UCMA: variants seen among roughly 807,000 people sequenced by gnomAD.
UCMA encodes upper zone of growth plate and cartilage matrix-associated protein.
UCMA carries 21 observed loss-of-function variants against 21.8 expected under a neutral mutation model. That is an observed-to-expected ratio of 0.97 (90% CI 0.68 to 1.39). The LOEUF is 1.39. Ranked by LOEUF, UCMA falls within the 40% of genes most tolerant of loss-of-function variation. UCMA has a pLI of 0.00. For synonymous variants in UCMA, 76 were observed against 67.9 expected (o/e 1.12, Z -0.58); for missense variants, 193 against 178.9 (o/e 1.08, Z -0.45).
rs201354285 is a variant in UCMA, at chr10:13,233,625, G to A, written c.133C>T (p.Gln45Ter). The change falls in exon 3 of 5, where the codon CAG (glutamine) becomes TAG (stop). Residue 45 changes from glutamine (Q) to a stop codon, truncating the protein, a stop_gained. Transcript: ENST00000378681. LOFTEE classifies it high-confidence loss of function. The part of the protein sequence containing the change: ...AGEEASEDAK[Q>*]KIFMQESDAS... Reference sequence around the variant, plus strand: ...TCTGATTCCTGCATGAAAATCTTCTGTTTTGCATCTGAAACCCGGGAGAGG... The same window carrying A: ...TCTGATTCCTGCATGAAAATCTTCTATTTTGCATCTGAAACCCGGGAGAGG... 204 of 1,614,040 alleles carry A rather than the reference G, an allele frequency of 1.3e-4. No homozygotes were observed. The highest frequency in any genetic ancestry group is 1.6e-4 in the Non-Finnish European group (184 of 1,180,042).
chr10:13,229,909 T>G (rs963070982), intron 3 of UCMA, among the ~76,000 whole-genome samples, 200 bp from the exon 4 acceptor site: 1 of 152,164 alleles, frequency 6.6e-6, no homozygotes, highest in African/African-American at 2.4e-5. Flanking sequence ...CTGATCCAGC[T>G]GCCTCATTTG....
At chr10:13,227,746 ACACACAC>A (rs1834842460) in intron 4 of UCMA, among the ~76,000 whole-genome samples, 2 of 84,892 alleles carry the variant, frequency 2.4e-5, no homozygotes, top group Admixed American at 1.2e-4. Context: ...AAGGAAATAC[ACACACAC>A]ACACACACAC....
chr10:13,227,517 T>C (rs1473816010), intron 4 of UCMA, among the ~76,000 whole-genome samples: 2 of 151,960 alleles, frequency 1.3e-5, no homozygotes, highest in Admixed American at 6.6e-5. Context: ...CAGGAGTTCG[T>C]GACCAGCCTG....
At chr10:13,222,238 G>A in intron 4 of UCMA, 38 bp from the exon 5 acceptor site, 1 of 1,580,934 alleles carries the variant, frequency 6.3e-7, no homozygotes, top group South Asian at 1.1e-5. Context: ...TAGGACAGGG[G>A]GACTCTGACC....
intron 4 of UCMA, among the ~76,000 whole-genome samples, chr10:13,226,566 G>C (rs1031072532): frequency 6.6e-6 from 1 of 152,084 alleles, no homozygotes; most frequent in African/African-American, 2.4e-5. Flanking sequence ...TTCAAGCAAT[G>C]CTCCCACTTT....
In UCMA at chr10:13,224,712, T is replaced by C. The variant is rs368780388; in HGVS notation, c.320-2512A>G. On this transcript the variant is annotated intron_variant, in intron 4 of 4. Transcript: ENST00000378681. ...GGCTTCAGGGTGTGAGGAATGGAGA[T>C]GTTGCTTTGGTCCTTAGCACCTGTG... Among the ~76,000 whole-genome samples the C allele has an allele frequency of 2.2e-4, 33 of 152,308 alleles. No individual in the cohort carries two copies. In the East Asian group the frequency reaches 5.6e-3, roughly 26 times the overall value.
chr10:13,225,960 G>A (rs1396339761), intron 4 of UCMA, among the ~76,000 whole-genome samples: 5 of 152,096 alleles, frequency 3.3e-5, no homozygotes, highest in Admixed American at 2.6e-4. Flanking sequence ...GGAGCTCTGG[G>A]GAGACCCCCT....
intron 4 of UCMA, among the ~76,000 whole-genome samples, chr10:13,227,305 ACT>A (rs1487241105): frequency 6.6e-6 from 1 of 152,080 alleles, no homozygotes; most frequent in Non-Finnish European, 1.5e-5. Flanking sequence ...GAAAGAGCTG[ACT>A]CTCTCCCACA....
chr10:13,232,371 CAAAAAAAAAAAAA>C (rs34527224), intron 3 of UCMA, among the ~76,000 whole-genome samples: 2 of 69,588 alleles, frequency 2.9e-5, no homozygotes, highest in South Asian at 5.5e-4. Flanking sequence ...GACTCCATCT[CAAAAAAAAAAAAA>C]AAAAAAAAAA....
At chr10:13,223,000 A>T (rs10752290) in intron 4 of UCMA, among the ~76,000 whole-genome samples, 5 of 151,354 alleles carry the variant, frequency 3.3e-5, no homozygotes, top group Admixed American at 1.3e-4. Context: ...TGAGGCTGGC[A>T]GATCACCCAA....
intron 4 of UCMA, among the ~76,000 whole-genome samples, chr10:13,225,366 T>C (rs537615986): frequency 1.4e-5 from 2 of 141,030 alleles, no homozygotes; most frequent in East Asian, 4.3e-4. Context: ...CCAACTGCTA[T>C]CAGTAACCCT....
In UCMA at chr10:13,234,346, C is replaced by T; in HGVS notation, c.-88G>A. 1.4e-6 allele frequency: 2 copies of T among 1,414,488 alleles called. No homozygotes were observed. The highest frequency in any genetic ancestry group is 2.1e-5 in the Admixed American group (1 of 48,360). The allele number at this position is 1,414,488 out of a possible 1,614,324, so 87.6% of individuals were successfully genotyped here. A position where few individuals can be genotyped will look rare whatever the true frequency, so the allele number is the denominator to read the frequency against. ...GGGTCCCCACTTCTGAGGCAGGCAG[C>T]CCAGGCGAGAGGAAGGAAGGCGGGG... On this transcript the variant is annotated 5_prime_UTR_variant, in exon 1 of 5. Transcript: ENST00000378681.
In UCMA at chr10:13,222,187, CCT is replaced by C. The variant is rs767185537; in HGVS notation, c.331_332del (p.Arg111GlufsTer14). 5 of 1,613,862 alleles carry C rather than the reference CCT, an allele frequency of 3.1e-6. No individual in the cohort carries two copies. In the East Asian group the frequency reaches 8.9e-5, roughly 29 times the overall value. ...GCCACTGCTCCACAGCCTCCCGGCT[CCT>C]CTCTTCCTGCTCTGGGGAGGAAAGA... is the stretch of plus-strand genomic sequence containing the variant. ...VEEQNDEQEE[R>X]SREAVEQWRQ... On this transcript the variant is annotated frameshift_variant, in exon 5 of 5. Transcript: ENST00000378681. LOFTEE classifies it high-confidence loss of function.
chr10:13,230,299 C>T (rs977617432), intron 3 of UCMA, among the ~76,000 whole-genome samples: 8 of 152,132 alleles, frequency 5.3e-5, no homozygotes, highest in Non-Finnish European at 1.2e-4. Flanking sequence ...CAGAGCGAGA[C>T]CCTGTCTCAA....
chr10:13,227,807 A>C (rs12413185), intron 4 of UCMA, among the ~76,000 whole-genome samples: 53,796 of 145,854 alleles, frequency 0.37, 10,132 homozygotes, highest in Middle Eastern at 0.43. Flanking sequence ...TGTGATCCCC[A>C]TTAAACGGTC....
Position 13,233,596 on chromosome 10 carries a change from G to C in UCMA, c.162C>G (p.Ala54=), listed in dbSNP as rs1411610088. The change falls in exon 3 of 5, where the codon GCC becomes GCG. Residue 54 remains alanine, a synonymous_variant. Coordinates refer to ENST00000378681, the MANE Select transcript of UCMA (RefSeq NM_145314.3). The part of the protein sequence containing the change: ...KQKIFMQESD[A]SNFLKRRGKR... Reference sequence around the variant, plus strand: ...TGCCGCGCCTCTTGAGGAAATTCGAGGCATCTGATTCCTGCATGAAAATCT... The same window carrying C: ...TGCCGCGCCTCTTGAGGAAATTCGACGCATCTGATTCCTGCATGAAAATCT... 3 of 1,614,092 alleles carry C rather than the reference G, an allele frequency of 1.9e-6. No individual in the cohort carries two copies. The highest frequency in any genetic ancestry group is 2.5e-6 in the Non-Finnish European group (3 of 1,180,036).
In UCMA at chr10:13,222,152, T is replaced by C; in HGVS notation, c.368A>G (p.His123Arg). The C allele has an allele frequency of 6.2e-7, 1 of 1,614,118 alleles. No homozygotes were observed. The highest frequency in any genetic ancestry group is 1.1e-5 in the South Asian group (1 of 91,080). The change falls in exon 5 of 5, where the codon CAC (histidine) becomes CGC (arginine). Residue 123 changes from histidine to arginine, a missense_variant. Physicochemically the swap from His to Arg is conservative, Grantham distance 29. Transcript: ENST00000378681. ...REAVEQWRQW[H>R]YDGLHPSYLY... is the part of the protein sequence containing the mutation. ...ATAGGATGGGTGCAGGCCGTCATAG[T>C]GCCACTGGCGCCACTGCTCCACAGC...
At chr10:13,224,344 C>T (rs1233423132) in intron 4 of UCMA, among the ~76,000 whole-genome samples, 23 of 112,506 alleles carry the variant, frequency 2.0e-4, no homozygotes, top group South Asian at 6.9e-4. Context: ...AGAAAGGAAG[C>T]GGTGGGGAGG....
At chr10:13,233,675 C>T in intron 2 of UCMA, 42 bp from the exon 3 acceptor site, 1 of 1,613,664 alleles carries the variant, frequency 6.2e-7, no homozygotes, top group Non-Finnish European at 8.5e-7. Flanking sequence ...TGTGGGGGTG[C>T]TGGGGCTGCT....
Sources: gnomAD v4.1 joint callset for allele counts (sites outside exome capture counted in the v4.1 genomes callset) on GRCh38, gnomAD v4.1.1 for gene constraint, MANE v1.5 for transcripts, NCBI Gene and HGNC (gene_info 2026-07-23, HGNC 2026-07-21) for gene names.